BEND6: variants seen among roughly 807,000 people sequenced by gnomAD.
BEND6 encodes BEN domain containing 6.
Under a neutral mutation model 31.8 loss-of-function variants are expected in BEND6, and 24 were observed. That is an observed-to-expected ratio of 0.75 (90% confidence interval 0.55 to 1.06). The LOEUF (loss-of-function observed/expected upper bound fraction) is 1.06. Ranked by LOEUF, BEND6 falls within the 50% of genes least tolerant of loss-of-function variation. The pLI, the probability that BEND6 is intolerant of heterozygous loss-of-function variation, is 0.00. For missense variants in BEND6, 294 were observed against 327.4 expected, an observed-to-expected ratio of 0.90 and a Z score of 0.79; for synonymous variants, 109 against 114.6, an observed-to-expected ratio of 0.95 and a Z score of 0.31.
At chr6:56,992,654 C>T in intron 3 of BEND6, 99 bp downstream of exon 3, 1 of 1,297,668 alleles carries the variant, frequency 7.7e-7, no homozygotes, top group Non-Finnish European at 1.1e-6. Context: ...AGAAAATCCA[C>T]ACCTCTGGGA....
chr6:56,968,818 G>C (rs943536016), intron 1 of BEND6, among the ~76,000 whole-genome samples: 4 of 152,092 alleles, frequency 2.6e-5, no homozygotes, highest in African/African-American at 9.7e-5. Flanking sequence ...GCTCACACCT[G>C]TAATCCCAGC....
intron 3 of BEND6, among the ~76,000 whole-genome samples, chr6:56,999,498 G>A (rs1176499171): frequency 1.3e-5 from 2 of 152,220 alleles, no homozygotes; most frequent in African/African-American, 4.8e-5. Flanking sequence ...AGAGCTTGGG[G>A]CCAAGGAGAT....
chr6:56,962,918 C>T (rs545713176), intron 1 of BEND6, among the ~76,000 whole-genome samples: 1 of 152,282 alleles, frequency 6.6e-6, no homozygotes, highest in African/African-American at 2.4e-5. Flanking sequence ...CAACAGCTAG[C>T]ACTTATTGAG....
chr6:56,997,581 TCTCA>T lies in BEND6; in HGVS notation c.298+5030_298+5033del, dbSNP rs554564043. 3.6e-3 allele frequency among the ~76,000 whole-genome samples: 541 copies of T among 152,288 alleles called. 2 individuals are homozygous for T. Among genetic ancestry groups the T allele is most frequent in the Middle Eastern group, 0.017 (5 of 294 alleles). ...TATTTATTTATTTTTTGAGACGGAA[TCTCA>T]CTCTGTCGCCCAGACTGCAGTGCAG... is the stretch of plus-strand genomic sequence containing the variant. On this transcript the variant is annotated intron_variant, in intron 3 of 6. Transcript: ENST00000370746.
intron 1 of BEND6, 80 bp from the exon 2 acceptor site, chr6:56,981,631 T>C: frequency 1.9e-6 from 1 of 528,750 alleles, no homozygotes; most frequent in South Asian, 2.5e-5. Context: ...ATAAAACTGG[T>C]TTATCTGAGT....
intron 3 of BEND6, among the ~76,000 whole-genome samples, chr6:56,997,196 T>C (rs1381654652): frequency 6.6e-6 from 1 of 152,212 alleles, no homozygotes; most frequent in Non-Finnish European, 1.5e-5. Flanking sequence ...GTGCTTTCCA[T>C]CACCTCTGCC....
intron 1 of BEND6, among the ~76,000 whole-genome samples, chr6:56,969,992 C>T (rs1825632869): frequency 6.6e-6 from 1 of 151,864 alleles, no homozygotes; most frequent in African/African-American, 2.4e-5. Flanking sequence ...GTGCTATGAC[C>T]AGCACTTTTT....
chr6:56,995,683 C>T (rs1826680973), intron 3 of BEND6, among the ~76,000 whole-genome samples: 1 of 152,066 alleles, frequency 6.6e-6, no homozygotes. Flanking sequence ...GTGTCTAAAC[C>T]TCTCCCTTTT....
At chr6:56,997,945 C>A (rs1174679029) in intron 3 of BEND6, among the ~76,000 whole-genome samples, 2 of 151,802 alleles carry the variant, frequency 1.3e-5, no homozygotes, top group Non-Finnish European at 2.9e-5. Flanking sequence ...AACAAAGATT[C>A]CTGCTTTCAC....
intron 1 of BEND6, among the ~76,000 whole-genome samples, chr6:56,966,407 T>C (rs927555629): frequency 6.6e-6 from 1 of 152,184 alleles, no homozygotes; most frequent in South Asian, 2.1e-4. Flanking sequence ...TGGCCTGTTT[T>C]TTTATAAATA....
intron 1 of BEND6, among the ~76,000 whole-genome samples, chr6:56,962,354 CA>C (rs1452271764): frequency 6.6e-6 from 1 of 152,178 alleles, no homozygotes; most frequent in Non-Finnish European, 1.5e-5. Context: ...TACTAGGTCT[CA>C]ATGTCACATC....
chr6:56,991,444 G>A (rs139410127), intron 2 of BEND6, among the ~76,000 whole-genome samples: 7 of 151,576 alleles, frequency 4.6e-5, no homozygotes, highest in Admixed American at 2.0e-4. Context: ...GTACCATCTC[G>A]GCTTACTGCA....
intron 3 of BEND6, among the ~76,000 whole-genome samples, chr6:57,000,364 TG>T (rs1562551128): frequency 1.3e-5 from 2 of 152,122 alleles, no homozygotes; most frequent in Admixed American, 1.3e-4. Flanking sequence ...AGATGTGCTT[TG>T]TTAAACAGAT....
At chr6:57,005,744 A>G (rs995418199) in intron 3 of BEND6, among the ~76,000 whole-genome samples, 3 of 151,608 alleles carry the variant, frequency 2.0e-5, no homozygotes, top group African/African-American at 7.3e-5. Context: ...CCCCAAAATA[A>G]TCAATAATTT....
intron 6 of BEND6, among the ~76,000 whole-genome samples, chr6:57,025,586 A>G (rs1048129055): frequency 2.6e-5 from 4 of 152,216 alleles, no homozygotes; most frequent in Non-Finnish European, 5.9e-5. Context: ...CACACCTCTT[A>G]CAGTGTAGTC....
chr6:56,976,258 C>T (rs576602454), intron 1 of BEND6, among the ~76,000 whole-genome samples: 16 of 149,992 alleles, frequency 1.1e-4, no homozygotes, highest in South Asian at 2.1e-4. Context: ...TGCAGTGGCG[C>T]GATCTCGACT....
intron 1 of BEND6, among the ~76,000 whole-genome samples, chr6:56,966,087 T>C (rs1825468206): frequency 6.6e-6 from 1 of 151,972 alleles, no homozygotes; most frequent in African/African-American, 2.4e-5. Context: ...GAACCTGTGG[T>C]TTGTTTTTTG....
intron 3 of BEND6, among the ~76,000 whole-genome samples, chr6:56,995,281 T>C (rs1461668149): frequency 1.3e-5 from 2 of 152,004 alleles, no homozygotes; most frequent in Non-Finnish European, 2.9e-5. Flanking sequence ...CTTCTATTTT[T>C]CTCCTTCCTC....
rs1204559779 is a variant in BEND6 at position 57,026,849 on chromosome 6, C to G, written c.*777C>G. 2 of 151,888 alleles carry G rather than the reference C, an allele frequency of 1.3e-5. No homozygotes were observed. Among genetic ancestry groups the G allele is most frequent in the Non-Finnish European group, 2.9e-5 (2 of 67,970 alleles). The allele number at this position is 151,888 out of a possible 1,614,324, so 9.4% of individuals were successfully genotyped here. ...CAGACATGTTCTAACTTTGTATTGC[C>G]CAAAGTATATTAAATACAGATGTGT... On this transcript the variant is annotated 3_prime_UTR_variant, in exon 7 of 7. Coordinates refer to ENST00000370746, the MANE Select transcript of BEND6 (RefSeq NM_152731.3).
Sources: gnomAD v4.1 joint callset for allele counts (sites outside exome capture counted in the v4.1 genomes callset) on GRCh38, gnomAD v4.1.1 for gene constraint, MANE v1.5 for transcripts, NCBI Gene and HGNC (gene_info 2026-07-23, HGNC 2026-07-21) for gene names.